Variants in PSG6 observed in about 807,000 individuals in gnomAD.
The protein encoded by PSG6 is pregnancy specific beta-1-glycoprotein 6.
Under a neutral mutation model 43.3 loss-of-function variants are expected in PSG6, and 51 were observed. The ratio of observed to expected loss-of-function variants is 1.18; its 90% CI spans 0.94 to 1.49. The LOEUF is 1.49. PSG6 is among the 40% of genes most tolerant of loss of function. The pLI is 0.00. For synonymous variants in PSG6, 292 were observed against 197.6 expected (o/e 1.48, Z -4.01); for missense variants, 770 against 522.2 (o/e 1.47, Z -4.62).
chr19:42,910,788 T>C lies in PSG6; in HGVS notation c.498A>G (p.Leu166=), dbSNP rs138300809. 7.3e-5 allele frequency: 118 copies of C among 1,612,236 alleles called. 3 individuals carry two copies. The African/African-American group carries it at 1.5e-3, about 20-fold the overall frequency. Residue 166 remains leucine, a synonymous_variant, in exon 3 of 6, where the codon TTA becomes TTG. Coordinates refer to ENST00000187910, the MANE Select transcript of PSG6 (RefSeq NM_001031850.4). ...NPREVMEAVR[L]ICDPETPDAS... Reference sequence around the variant, plus strand: ...CATCCGGAGTCTCAGGATCACAGATTAAGCGCACAGCCTCCATGACCTCCC... The same window carrying C: ...CATCCGGAGTCTCAGGATCACAGATCAAGCGCACAGCCTCCATGACCTCCC...
At chr19:42,913,473 A>C (rs751402187) in intron 2 of PSG6, among the ~76,000 whole-genome samples, 35 of 151,682 alleles carry the variant, frequency 2.3e-4, no homozygotes, top group Non-Finnish European at 3.8e-4. Flanking sequence ...TGAGTTGTTG[A>C]CTTTTGAGTT....
At chr19:42,903,360 T>G (rs1177743648) in intron 5 of PSG6, among the ~76,000 whole-genome samples, 2 of 151,422 alleles carry the variant, frequency 1.3e-5, no homozygotes, top group Non-Finnish European at 2.9e-5. Context: ...AGAGCTCAGG[T>G]CAACAACCTA....
At chr19:42,916,554 G>C (rs1221798976) in intron 1 of PSG6, 67 bp from the exon 2 acceptor site, 5 of 1,548,574 alleles carry the variant, frequency 3.2e-6, no homozygotes, top group Non-Finnish European at 3.5e-6. Context: ...ATGGGGCCCT[G>C]TGTCCTGAGA....
chr19:42,909,159 G>T (rs2354271), intron 3 of PSG6, among the ~76,000 whole-genome samples: 23,886 of 151,458 alleles, frequency 0.16, 2,727 homozygotes, highest in East Asian at 0.42. Flanking sequence ...TTCAGCATCA[G>T]ATTAGTAGGC....
chr19:42,906,883 C>T lies in PSG6; in HGVS notation c.1240+39G>A, dbSNP rs764773539. ...TTCTCTGAAAGCCAGATAGACTCCA[C>T]CTAAAACCCTATTGCCAAGGATGCT... On this transcript the variant is annotated intron_variant, in intron 5 of 5. Transcript: ENST00000187910. The T allele has an allele frequency of 7.4e-6, 12 of 1,611,826 alleles. 1 individual carries two copies. The highest frequency in any genetic ancestry group is 1.1e-5 in the South Asian group (1 of 90,800).
chr19:42,910,242 G>A (rs956268793), intron 3 of PSG6: 9 of 495,852 alleles, frequency 1.8e-5, no homozygotes, highest in Non-Finnish European at 2.9e-5. Flanking sequence ...TCTGTGGAAG[G>A]GACACAGTCA....
intron 4 of PSG6, 65 bp downstream of exon 4, chr19:42,907,511 C>G: frequency 6.3e-7 from 1 of 1,599,022 alleles, no homozygotes; most frequent in South Asian, 1.1e-5. Context: ...GACTGAGAGG[C>G]CTGGCCTCTG....
Position 42,916,282 on chromosome 19 carries a change from A to G in PSG6, c.270T>C (p.Tyr90=), listed in dbSNP as rs1438011170. The stretch of plus-strand genomic sequence containing the variant: ...TTTCTCGTCCACTGTAGGCAGGCCC[A>G]TATATAATTTGACCGTGTACTACAT... ...TSYVVHGQII[Y]GPAYSGRETV... is the part of the protein sequence containing the mutation. The change falls in exon 2 of 6, where the codon TAT becomes TAC. Residue 90 remains tyrosine (Y), a synonymous_variant. Transcript: ENST00000187910. 13 of 1,612,058 alleles carry G rather than the reference A, an allele frequency of 8.1e-6. No individual in the cohort carries two copies. Among genetic ancestry groups the G allele is most frequent in the South Asian group, 3.3e-5 (3 of 90,632 alleles).
chr19:42,903,541 C>T (rs1972066581), intron 5 of PSG6: 5 of 1,304,382 alleles, frequency 3.8e-6, no homozygotes, highest in South Asian at 1.9e-5. Context: ...AAATTGACAA[C>T]CATTAACTAG....
chr19:42,904,109 AT>A (rs1972077210), intron 5 of PSG6, among the ~76,000 whole-genome samples: 1 of 151,636 alleles, frequency 6.6e-6, no homozygotes. Context: ...GAAATTCAGT[AT>A]TTTTTCATAA....
intron 5 of PSG6, 86 bp downstream of exon 5, chr19:42,906,836 A>C: frequency 1.9e-6 from 3 of 1,608,420 alleles, no homozygotes; most frequent in Non-Finnish European, 2.5e-6. Flanking sequence ...ACAGTCTGGG[A>C]ATACAAATGT....
chr19:42,903,095 T>C (rs1300683323), intron 5 of PSG6, among the ~76,000 whole-genome samples: 1 of 151,624 alleles, frequency 6.6e-6, no homozygotes, highest in Non-Finnish European at 1.5e-5. Flanking sequence ...GTCATATGGC[T>C]AGTGACAGGT....
At position 42,916,444 on chromosome 19, in the gene PSG6, T is replaced by G. The variant is rs771257703; in HGVS notation, c.108A>C (p.Val36=). Reference sequence around the variant, plus strand: ...CTTTGGGTGGCTTGGCTTCAATTATTACTTGGGCAGTGGTGGGCAGGTTCC... The same window carrying G: ...CTTTGGGTGGCTTGGCTTCAATTATGACTTGGGCAGTGGTGGGCAGGTTCC... The part of the protein sequence containing the change: ...NFWNLPTTAQ[V]IIEAKPPKVS... The change falls in exon 2 of 6, where the codon GTA becomes GTC. Residue 36 remains valine (V), a synonymous_variant. Coordinates refer to ENST00000187910, the MANE Select transcript of PSG6 (RefSeq NM_001031850.4). 19 of 1,611,830 alleles carry G rather than the reference T, an allele frequency of 1.2e-5. 2 individuals are homozygous for G. The highest frequency in any genetic ancestry group is 1.1e-4 in the East Asian group (5 of 44,772).
chr19:42,906,686 A>G (rs1249698926), intron 5 of PSG6: 2 of 1,445,190 alleles, frequency 1.4e-6, no homozygotes, highest in Non-Finnish European at 1.8e-6. Flanking sequence ...CTCAGGGCTG[A>G]TAAAGCCCCC....
At chr19:42,914,648 G>C (rs1364885884) in intron 2 of PSG6, among the ~76,000 whole-genome samples, 5 of 151,452 alleles carry the variant, frequency 3.3e-5, no homozygotes, top group Admixed American at 1.3e-4. Context: ...AGCCTCTGAA[G>C]GACAAGGGAC....
At chr19:42,905,505 G>T (rs1972097202) in intron 5 of PSG6, among the ~76,000 whole-genome samples, 1 of 151,606 alleles carries the variant, frequency 6.6e-6, no homozygotes, top group Non-Finnish European at 1.5e-5. Context: ...AATGTAAAAA[G>T]TAGTGTGGCT....
chr19:42,915,944 G>A, intron 2 of PSG6, 181 bp downstream of exon 2: 2 of 1,001,066 alleles, frequency 2.0e-6, no homozygotes, highest in Non-Finnish European at 1.4e-6. Context: ...ATGCGGGAAA[G>A]GAATTCTGAT....
chr19:42,916,830 C>T (rs192499665), intron 1 of PSG6, among the ~76,000 whole-genome samples: 18 of 151,562 alleles, frequency 1.2e-4, no homozygotes, highest in African/African-American at 4.4e-4. Flanking sequence ...GACTTCTTTC[C>T]TGATGCCTGC....
intron 5 of PSG6, among the ~76,000 whole-genome samples, chr19:42,906,286 T>G (rs1420450898): frequency 6.6e-6 from 1 of 151,512 alleles, no homozygotes; most frequent in Non-Finnish European, 1.5e-5. Context: ...CTCTTCTTAT[T>G]TCCCTGCAGC....
Sources: gnomAD v4.1 joint callset for allele counts (sites outside exome capture counted in the v4.1 genomes callset) on GRCh38, gnomAD v4.1.1 for gene constraint, MANE v1.5 for transcripts, NCBI Gene and HGNC (gene_info 2026-07-23, HGNC 2026-07-21) for gene names.